Variants in MITF observed in about 807,000 individuals in gnomAD.
MITF encodes microphthalmia-associated transcription factor.
MITF carries 17 observed loss-of-function variants against 60.5 expected under a neutral mutation model. The ratio of observed to expected loss-of-function variants is 0.28; its 90% CI spans 0.19 to 0.42. The LOEUF (loss-of-function observed/expected upper bound fraction) is 0.42, where lower values mean the gene tolerates loss of function less well. Ranked by LOEUF, MITF falls within the 10% of genes least tolerant of loss-of-function variation. MITF has a pLI of 1.00. For missense variants in MITF, 622 were observed against 683.5 expected (o/e 0.91, Z 1.00); for synonymous variants, 260 against 248.5 (o/e 1.05, Z -0.43).
chr3:69,960,040 A>C (rs2066501918), intron 9 of MITF, among the ~76,000 whole-genome samples: 1 of 152,220 alleles, frequency 6.6e-6, no homozygotes, highest in African/African-American at 2.4e-5. Context: ...AGGGTCTCAC[A>C]GGAACCTAAC....
chr3:69,820,633 G>A (rs2063254427), intron 1 of MITF, among the ~76,000 whole-genome samples: 1 of 152,118 alleles, frequency 6.6e-6, no homozygotes, highest in Admixed American at 6.5e-5. Flanking sequence ...TAAACCTAGG[G>A]GATGTGATAG....
intron 1 of MITF, among the ~76,000 whole-genome samples, chr3:69,753,695 G>A (rs968841348): frequency 1.3e-5 from 2 of 152,188 alleles, no homozygotes; most frequent in African/African-American, 4.8e-5. Context: ...AGATTATTTT[G>A]GAGCTTTAAG....
intron 1 of MITF, among the ~76,000 whole-genome samples, chr3:69,858,116 G>A (rs1457743498): frequency 6.6e-6 from 1 of 151,722 alleles, no homozygotes; most frequent in African/African-American, 2.4e-5. Flanking sequence ...ATTATTTCAT[G>A]GTAATATTCA....
chr3:69,879,864 G>C (rs1353724692), intron 2 of MITF, among the ~76,000 whole-genome samples: 2 of 152,164 alleles, frequency 1.3e-5, no homozygotes, highest in Non-Finnish European at 2.9e-5. Flanking sequence ...TTGATAACCA[G>C]ACTACATAAT....
chr3:69,956,150 C>G (rs768629607), intron 7 of MITF, among the ~76,000 whole-genome samples: 1 of 152,146 alleles, frequency 6.6e-6, no homozygotes, highest in Non-Finnish European at 1.5e-5. Flanking sequence ...ATGTCCTCGC[C>G]AAGTCCCTAA....
At chr3:69,820,333 A>G (rs2063248923) in intron 1 of MITF, among the ~76,000 whole-genome samples, 1 of 152,120 alleles carries the variant, frequency 6.6e-6, no homozygotes, top group African/African-American at 2.4e-5. Context: ...TGTTCATGGA[A>G]CTCTGTCCAA....
chr3:69,938,908 C>A (rs1367646623), intron 3 of MITF, 190 bp from the exon 4 acceptor site: 2 of 1,470,094 alleles, frequency 1.4e-6, no homozygotes, highest in Non-Finnish European at 1.8e-6. Flanking sequence ...TTTTTCTCTA[C>A]CCAAATTTGT....
chr3:69,936,020 G>A (rs2065825110), intron 2 of MITF, among the ~76,000 whole-genome samples: 1 of 152,092 alleles, frequency 6.6e-6, no homozygotes, highest in African/African-American at 2.4e-5. Context: ...ATCCACTTCT[G>A]TGTGTGCTAT....
At chr3:69,917,511 G>A (rs1210180199) in intron 2 of MITF, among the ~76,000 whole-genome samples, 3 of 151,636 alleles carry the variant, frequency 2.0e-5, no homozygotes, top group Admixed American at 2.0e-4. Flanking sequence ...AGAAGGCTTG[G>A]GGAAAAGCAT....
At chr3:69,878,392 A>G (rs1053623387) in intron 1 of MITF, among the ~76,000 whole-genome samples, 1 of 152,148 alleles carries the variant, frequency 6.6e-6, no homozygotes, top group Non-Finnish European at 1.5e-5. Flanking sequence ...TACCAAAACC[A>G]TTAGAAGTAG....
intron 1 of MITF, among the ~76,000 whole-genome samples, chr3:69,803,994 A>G (rs1324825654): frequency 6.6e-6 from 1 of 152,168 alleles, no homozygotes; most frequent in Non-Finnish European, 1.5e-5. Context: ...GAATCCATGA[A>G]GCAAATGTAT....
intron 1 of MITF, among the ~76,000 whole-genome samples, chr3:69,847,551 C>A (rs1054974906): frequency 6.6e-6 from 1 of 152,236 alleles, no homozygotes; most frequent in African/African-American, 2.4e-5. Flanking sequence ...ATTTTTAACT[C>A]CAAGAGTGTG....
intron 1 of MITF, among the ~76,000 whole-genome samples, chr3:69,822,346 G>A (rs776726092): frequency 2.6e-5 from 4 of 152,188 alleles, no homozygotes; most frequent in Non-Finnish European, 4.4e-5. Flanking sequence ...CCCTGGTTTA[G>A]AATGTGCTTG....
chr3:69,905,426 C>T (rs2065077547), intron 2 of MITF, among the ~76,000 whole-genome samples: 1 of 151,680 alleles, frequency 6.6e-6, no homozygotes, highest in South Asian at 2.1e-4. Flanking sequence ...TAGAATATTA[C>T]AAAGTTCCTA....
chr3:69,867,834 A>C (rs2064145925), intron 1 of MITF, among the ~76,000 whole-genome samples: 2 of 152,178 alleles, frequency 1.3e-5, no homozygotes, highest in Admixed American at 6.5e-5. Flanking sequence ...TCATTCTTTT[A>C]GTTAACTAAA....
intron 1 of MITF, chr3:69,779,166 C>G (rs978798156): frequency 1.5e-4 from 23 of 152,188 alleles, no homozygotes; most frequent in African/African-American, 5.3e-4. Context: ...AACAGTCATT[C>G]TGAGGCATAG....
intron 9 of MITF, among the ~76,000 whole-genome samples, chr3:69,962,532 T>G (rs2066576017): frequency 6.6e-6 from 1 of 152,174 alleles, no homozygotes. Flanking sequence ...TCTCAGCTTG[T>G]GGGCAGAGGT....
intron 1 of MITF, among the ~76,000 whole-genome samples, chr3:69,778,388 T>C (rs1408858463): frequency 6.6e-6 from 1 of 152,234 alleles, no homozygotes; most frequent in Non-Finnish European, 1.5e-5. Flanking sequence ...CAGGTTTGCA[T>C]TTTCAAGCAT....
Position 69,935,701 on chromosome 3 carries a change from T to C in MITF, c.355-2121T>C, listed in dbSNP as rs149437953. Among the ~76,000 whole-genome samples the C allele has an allele frequency of 2.7e-4, 41 of 152,318 alleles. 1 individual carries two copies. The highest frequency in any genetic ancestry group is 9.9e-4 in the African/African-American group (41 of 41,590). ...GATATTAAGCATTTATCATAATTTA[T>C]AAGTATATATTTGCTTGCCTCTTTT... On this transcript the variant is annotated intron_variant, in intron 2 of 9. Coordinates refer to ENST00000352241, the MANE Select transcript of MITF (RefSeq NM_001354604.2).
Sources: gnomAD v4.1 joint callset for allele counts (sites outside exome capture counted in the v4.1 genomes callset) on GRCh38, gnomAD v4.1.1 for gene constraint, MANE v1.5 for transcripts, NCBI Gene and HGNC (gene_info 2026-07-23, HGNC 2026-07-21) for gene names.